The following FAM135B variants were observed in gnomAD, a reference collection of about 807,000 sequenced individuals.
FAM135B encodes family with sequence similarity 135 member B.
Under a neutral mutation model 127.7 loss-of-function variants are expected in FAM135B, and 43 were observed. That is an observed-to-expected ratio of 0.34 (90% CI 0.26 to 0.43). FAM135B has a LOEUF of 0.43. Among genes scored for constraint, FAM135B ranks in the 20% least tolerant of loss-of-function variants. FAM135B has a pLI of 1.00. For synonymous variants in FAM135B, 670 were observed against 665.1 expected (o/e 1.01, Z -0.11); for missense variants, 1,558 against 1,725.6 (o/e 0.90, Z 1.72).
intron 1 of FAM135B, among the ~76,000 whole-genome samples, chr8:138,377,807 A>C (rs1165233396): frequency 2.6e-5 from 4 of 152,210 alleles, no homozygotes; most frequent in African/African-American, 9.6e-5. Flanking sequence ...ATTACTCTCG[A>C]AAGCATGTAT....
chr8:138,137,046 A>G, intron 19 of FAM135B, 101 bp downstream of exon 19: 1 of 710,168 alleles, frequency 1.4e-6, no homozygotes, highest in Non-Finnish European at 2.6e-6. Context: ...ATGCAGCACT[A>G]AACCTATAGC....
At chr8:138,288,394 C>T (rs916639210) in intron 3 of FAM135B, among the ~76,000 whole-genome samples, 40 of 151,984 alleles carry the variant, frequency 2.6e-4, no homozygotes, top group Non-Finnish European at 7.4e-5. Flanking sequence ...TGGGGATATC[C>T]GGGGTGCTGT....
chr8:138,269,956 A>AT (rs1172096785), intron 3 of FAM135B, among the ~76,000 whole-genome samples: 2 of 152,046 alleles, frequency 1.3e-5, no homozygotes, highest in Non-Finnish European at 2.9e-5. Flanking sequence ...GCCAAACTTT[A>AT]TTTTTTTTCC....
Position 138,367,806 on chromosome 8 carries a change from T to C in FAM135B, c.77+101A>G, listed in dbSNP as rs187943082. 4.8e-4 allele frequency: 426 copies of C among 894,438 alleles called. 8 individuals carry two copies. The East Asian group carries it at 0.01, about 22-fold the overall frequency. 55.4% of individuals were successfully genotyped at this position (894,438 alleles called of 1,614,324 possible). Reference sequence around the variant, plus strand: ...AAATCTTTTCTTCGTTAGTCCCAAATTTCCTATAATCTGACTTCCCCACCT... The same window carrying C: ...AAATCTTTTCTTCGTTAGTCCCAAACTTCCTATAATCTGACTTCCCCACCT... On this transcript the variant is annotated intron_variant, in intron 2 of 19. Transcript: ENST00000395297.
At chr8:138,168,085 G>A (rs768129722) in intron 11 of FAM135B, 36 bp from the exon 12 acceptor site, 1 of 1,572,404 alleles carries the variant, frequency 6.4e-7, no homozygotes, top group Non-Finnish European at 8.6e-7. Context: ...GTCCAGGGAA[G>A]AGTCAGAGGT....
chr8:138,275,319 C>A (rs1273539847), intron 3 of FAM135B, among the ~76,000 whole-genome samples: 1 of 152,154 alleles, frequency 6.6e-6, no homozygotes, highest in African/African-American at 2.4e-5. Context: ...AATGTTCTCT[C>A]AATATTGCAT....
At chr8:138,383,435 T>C (rs1831991543) in intron 1 of FAM135B, among the ~76,000 whole-genome samples, 1 of 152,254 alleles carries the variant, frequency 6.6e-6, no homozygotes, top group Admixed American at 6.5e-5. Flanking sequence ...AGATGCATGA[T>C]AGCTGATGTA....
At chr8:138,384,492 T>G (rs1832063491) in intron 1 of FAM135B, among the ~76,000 whole-genome samples, 1 of 152,114 alleles carries the variant, frequency 6.6e-6, no homozygotes, top group African/African-American at 2.4e-5. Flanking sequence ...CAGACTCCAG[T>G]GACTCAAGAA....
At chr8:138,162,467 G>A (rs1403876585) in intron 12 of FAM135B, among the ~76,000 whole-genome samples, 4 of 152,146 alleles carry the variant, frequency 2.6e-5, no homozygotes, top group Non-Finnish European at 4.4e-5. Context: ...ATAATGACAC[G>A]TCAGTAGAGG....
intron 1 of FAM135B, among the ~76,000 whole-genome samples, chr8:138,485,918 G>T (rs1262524891): frequency 2.6e-5 from 4 of 152,050 alleles, no homozygotes; most frequent in African/African-American, 9.7e-5. Context: ...TGTGGCTAAG[G>T]GGAGTAGAAG....
At chr8:138,286,588 G>A (rs537519802) in intron 3 of FAM135B, among the ~76,000 whole-genome samples, 3 of 152,322 alleles carry the variant, frequency 2.0e-5, no homozygotes, top group African/African-American at 7.2e-5. Context: ...CAAGAGGAAG[G>A]CTAATGCATC....
chr8:138,210,575 A>T (rs1818061496), intron 7 of FAM135B, among the ~76,000 whole-genome samples: 1 of 152,154 alleles, frequency 6.6e-6, no homozygotes, highest in Admixed American at 6.5e-5. Flanking sequence ...GAAGAGACAG[A>T]GAGAGTAAGG....
chr8:138,412,335 A>G lies in FAM135B; in HGVS notation c.-19-44333T>C, dbSNP rs541537030. On this transcript the variant is annotated intron_variant, in intron 1 of 19. Transcript: ENST00000395297. The stretch of plus-strand genomic sequence containing the variant: ...AGTCAGAGACTCAGGCAGATAATCC[A>G]GCTAAGTCACACCCAGATTCCTGAT... Among the ~76,000 whole-genome samples the G allele has an allele frequency of 1.1e-4, 16 of 152,362 alleles. No individual in the cohort carries two copies. The South Asian group carries it at 3.3e-3, about 32-fold the overall frequency.
chr8:138,218,820 G>T (rs979567490), intron 7 of FAM135B, among the ~76,000 whole-genome samples: 2 of 151,570 alleles, frequency 1.3e-5, no homozygotes, highest in South Asian at 2.1e-4. Flanking sequence ...GAAAGAGAGA[G>T]AGAGAGATTT....
At chr8:138,202,876 G>A (rs915589923) in intron 7 of FAM135B, among the ~76,000 whole-genome samples, 2 of 152,136 alleles carry the variant, frequency 1.3e-5, no homozygotes, top group East Asian at 1.9e-4. Flanking sequence ...GGGGAACTCC[G>A]CAGGGACACA....
rs1554648054 is a variant in FAM135B, at chr8:138,266,615, A to ACG, written c.158-774_158-773insCG. Among the ~76,000 whole-genome samples the ACG allele has an allele frequency of 1.7e-3, 243 of 144,248 alleles. 1 individual carries two copies. The highest frequency in any genetic ancestry group is 5.6e-3 in the African/African-American group (228 of 40,376). 94.6% of individuals were successfully genotyped at this position (144,248 alleles called of 152,430 possible). On this transcript the variant is annotated intron_variant, in intron 3 of 19. Transcript: ENST00000395297. ...TGTATATATATGTATATGTATATAT[A>ACG]TGTATATATGTGTATATATATACGT...
intron 1 of FAM135B, among the ~76,000 whole-genome samples, chr8:138,383,407 A>C (rs772996664): frequency 6.6e-6 from 1 of 152,250 alleles, no homozygotes; most frequent in Non-Finnish European, 1.5e-5. Flanking sequence ...CCTAAGTGCC[A>C]TCTGGCACAA....
chr8:138,234,849 CTA>C (rs1408849125), intron 7 of FAM135B, among the ~76,000 whole-genome samples: 2 of 152,136 alleles, frequency 1.3e-5, no homozygotes, highest in African/African-American at 4.8e-5. Flanking sequence ...CTCAGTTTTT[CTA>C]TGTCTATAAT....
intron 1 of FAM135B, among the ~76,000 whole-genome samples, chr8:138,435,706 AAC>A (rs1329953870): frequency 1.3e-5 from 2 of 152,190 alleles, no homozygotes; most frequent in African/African-American, 4.8e-5. Context: ...TTCTAAAAAA[AAC>A]ACATACAAAT....
Sources: gnomAD v4.1 joint callset for allele counts (sites outside exome capture counted in the v4.1 genomes callset) on GRCh38, gnomAD v4.1.1 for gene constraint, MANE v1.5 for transcripts, NCBI Gene and HGNC (gene_info 2026-07-23, HGNC 2026-07-21) for gene names.